ENOX2: variants seen among roughly 807,000 people sequenced by gnomAD.
The protein encoded by ENOX2 is ecto-NOX disulfide-thiol exchanger 2, also known as APK1 antigen.
A neutral mutation model predicts 45.0 loss-of-function variants in ENOX2; 36 were observed. The observed-to-expected ratio is 0.80, with a 90% CI of 0.61 to 1.06. ENOX2 has a LOEUF of 1.06. Among genes scored for constraint, ENOX2 ranks in the 50% least tolerant of loss-of-function variants. ENOX2 has a pLI of 0.00. For missense variants in ENOX2, 423 were observed against 462.5 expected (o/e 0.91, Z 0.78); for synonymous variants, 174 against 152.3 (o/e 1.14, Z -1.05).
chrX:130,897,849 T>C (rs920223644), intron 2 of ENOX2, among the ~76,000 whole-genome samples: 9 of 111,648 alleles, frequency 8.1e-5, no homozygotes, highest in Admixed American at 4.7e-4. Flanking sequence ...AGATTTGTGA[T>C]TTACAAAAAT....
chrX:130,658,999 A>T (rs1207453147), intron 9 of ENOX2, among the ~76,000 whole-genome samples: 3 of 112,240 alleles, frequency 2.7e-5, no homozygotes, highest in Non-Finnish European at 5.6e-5. Context: ...TTAAAAAGGT[A>T]AGCACAACAA....
At chrX:130,874,459 T>A (rs1349140522) in intron 2 of ENOX2, among the ~76,000 whole-genome samples, 2 of 112,116 alleles carry the variant, frequency 1.8e-5, no homozygotes, top group Non-Finnish European at 1.9e-5. Context: ...ATGGAAATCA[T>A]GTGGAACTAT....
At chrX:130,885,002 AT>A (rs2078877884) in intron 2 of ENOX2, among the ~76,000 whole-genome samples, 1 of 111,977 alleles carries the variant, frequency 8.9e-6, no homozygotes, top group African/African-American at 3.2e-5. Context: ...AATAGACAAC[AT>A]TTTGCTTCCC....
chrX:130,779,257 G>T (rs1181688845), intron 3 of ENOX2, among the ~76,000 whole-genome samples: 2 of 112,235 alleles, frequency 1.8e-5, no homozygotes, highest in Non-Finnish European at 3.8e-5. Flanking sequence ...ACATTTCCAT[G>T]GGGAAAAGGT....
chrX:130,885,007 G>C (rs910517456), intron 2 of ENOX2, among the ~76,000 whole-genome samples: 1 of 111,913 alleles, frequency 8.9e-6, no homozygotes, highest in African/African-American at 3.2e-5. Flanking sequence ...ACAACATTTT[G>C]CTTCCCCAAA....
intron 2 of ENOX2, among the ~76,000 whole-genome samples, chrX:130,867,930 T>G (rs1384853100): frequency 8.9e-6 from 1 of 112,087 alleles, no homozygotes; most frequent in Non-Finnish European, 1.9e-5. Context: ...TGAATACCAT[T>G]GTCCTTCAGT....
intron 2 of ENOX2, among the ~76,000 whole-genome samples, chrX:130,812,967 A>G (rs1339707577): frequency 8.9e-6 from 1 of 112,090 alleles, no homozygotes; most frequent in East Asian, 2.8e-4. Flanking sequence ...TCTGAAATCT[A>G]AAACACTCCA....
chrX:130,819,358 G>C (rs994892549), intron 2 of ENOX2, among the ~76,000 whole-genome samples: 2 of 111,253 alleles, frequency 1.8e-5, no homozygotes, highest in African/African-American at 6.5e-5. Context: ...CATTTGACCC[G>C]GCAATCTCAT....
chrX:130,731,088 G>A, intron 3 of ENOX2, among the ~76,000 whole-genome samples: 1 of 110,885 alleles, frequency 9.0e-6, no homozygotes, highest in Non-Finnish European at 1.9e-5. Flanking sequence ...TTTATTTTTG[G>A]TTTACAGGCC....
intron 2 of ENOX2, among the ~76,000 whole-genome samples, chrX:130,853,463 CAAAAAAAAAAAA>C (rs754949787): frequency 1.8e-4 from 5 of 27,995 alleles, no homozygotes; most frequent in African/African-American, 5.1e-4. Context: ...GACTCCGTCT[CAAAAAAAAAAAA>C]AAAAAAAAAA....
chrX:130,866,489 C>G (rs2078493736), intron 2 of ENOX2, among the ~76,000 whole-genome samples: 1 of 111,909 alleles, frequency 8.9e-6, no homozygotes, highest in African/African-American at 3.2e-5. Context: ...TGCTATTCAC[C>G]AGTGCAAACT....
At chrX:130,658,604 A>T (rs911773529) in intron 9 of ENOX2, among the ~76,000 whole-genome samples, 3 of 112,264 alleles carry the variant, frequency 2.7e-5, no homozygotes, top group African/African-American at 9.7e-5. Flanking sequence ...AGCTAAAGAT[A>T]AACTCTGGAA....
chrX:130,759,757 A>ATT (rs376859312), intron 3 of ENOX2, among the ~76,000 whole-genome samples: 1 of 105,538 alleles, frequency 9.5e-6, no homozygotes, highest in Non-Finnish European at 2.0e-5. Flanking sequence ...CTTTATTTTT[A>ATT]TTTTTTTTTT....
intron 3 of ENOX2, among the ~76,000 whole-genome samples, chrX:130,778,052 T>G (rs779581839): frequency 1.3e-4 from 14 of 111,943 alleles, no homozygotes; most frequent in Non-Finnish European, 2.3e-4. Context: ...GGTGGCATTT[T>G]CTCTCTTTAA....
At chrX:130,746,508 T>C (rs1303856254) in intron 3 of ENOX2, among the ~76,000 whole-genome samples, 1 of 111,990 alleles carries the variant, frequency 8.9e-6, no homozygotes, top group Non-Finnish European at 1.9e-5. Context: ...TAGTTCTTGG[T>C]GTCTATCAGA....
At chrX:130,712,320 AG>A (rs1348991478) in intron 3 of ENOX2, among the ~76,000 whole-genome samples, 1 of 111,785 alleles carries the variant, frequency 8.9e-6, no homozygotes, top group Admixed American at 9.5e-5. Context: ...GGCGACTATC[AG>A]GTAGTTGTCA....
chrX:130,757,738 CT>C (rs375819441), intron 3 of ENOX2, among the ~76,000 whole-genome samples: 46 of 104,232 alleles, frequency 4.4e-4, no homozygotes, highest in Admixed American at 4.1e-4. Flanking sequence ...ACTACGCATT[CT>C]TTTTTTTTTT....
intron 2 of ENOX2, among the ~76,000 whole-genome samples, chrX:130,789,117 G>T (rs1375995975): frequency 9.0e-6 from 1 of 111,720 alleles, no homozygotes; most frequent in South Asian, 3.8e-4. Flanking sequence ...GGAACTAGGG[G>T]GTTAAACATC....
At chrX:130,738,426 A>C (rs1753592986) in intron 3 of ENOX2, among the ~76,000 whole-genome samples, 1 of 112,235 alleles carries the variant, frequency 8.9e-6, no homozygotes, top group South Asian at 3.7e-4. Context: ...CACAGTGGAC[A>C]AGAAATATGG....
Sources: gnomAD v4.1 joint callset for allele counts (sites outside exome capture counted in the v4.1 genomes callset) on GRCh38, gnomAD v4.1.1 for gene constraint, MANE v1.5 for transcripts, NCBI Gene and HGNC (gene_info 2026-07-23, HGNC 2026-07-21) for gene names.